KLHL32: variants seen among roughly 807,000 people sequenced by gnomAD.
KLHL32 encodes the protein kelch-like protein 32.
Under a neutral mutation model 64.8 loss-of-function variants are expected in KLHL32, and 35 were observed. That is an observed-to-expected ratio of 0.54 (90% CI 0.41 to 0.72). The LOEUF (loss-of-function observed/expected upper bound fraction) is 0.72, where lower values mean the gene tolerates loss of function less well. Ranked by LOEUF, KLHL32 falls within the 30% of genes least tolerant of loss-of-function variation. The pLI, the probability that KLHL32 is intolerant of heterozygous loss-of-function variation, is 0.00. For missense variants in KLHL32, 589 were observed against 768.5 expected (o/e 0.77, Z 2.76); for synonymous variants, 259 against 281.0 (o/e 0.92, Z 0.78).
intron 6 of KLHL32, among the ~76,000 whole-genome samples, chr6:97,109,785 G>T (rs1433745604): frequency 6.6e-6 from 1 of 152,176 alleles, no homozygotes; most frequent in Non-Finnish European, 1.5e-5. Flanking sequence ...TGTCTCTAGT[G>T]CTGTTTCCGG....
chr6:96,945,794 A>G (rs1055979181), intron 1 of KLHL32, among the ~76,000 whole-genome samples: 3 of 152,110 alleles, frequency 2.0e-5, no homozygotes, highest in African/African-American at 4.8e-5. Flanking sequence ...TGCTTTTGGC[A>G]TGAACCTGGG....
intron 3 of KLHL32, among the ~76,000 whole-genome samples, chr6:97,022,404 C>A (rs546974459): frequency 6.6e-6 from 1 of 150,476 alleles, no homozygotes; most frequent in South Asian, 2.1e-4. Context: ...CTCTGCAGGT[C>A]TTTGCTCAAA....
chr6:97,051,741 G>T (rs1480606972), intron 4 of KLHL32, among the ~76,000 whole-genome samples: 1 of 152,144 alleles, frequency 6.6e-6, no homozygotes, highest in Non-Finnish European at 1.5e-5. Context: ...TTAGTGGAGG[G>T]AAGTTAATCA....
chr6:97,085,234 C>G lies in KLHL32; in HGVS notation c.520C>G (p.Leu174Val). ...IDFLVKHLSELLKSRPEEVLT... is the reference protein window; with the variant it reads ...IDFLVKHLSEVLKSRPEEVLT... ...TTTCTTAGTGAAACATCTCTCTGAA[C>G]TCCTGAAGAGCCGCCCAGAAGAAGT... Residue 174 changes from leucine to valine, a missense_variant, in exon 6 of 11, where the codon CTC (leucine) becomes GTC (valine). Transcript: ENST00000369261. 6.2e-7 allele frequency: 1 copy of G among 1,614,042 alleles called. No individual in the cohort carries two copies. Among genetic ancestry groups the G allele is most frequent in the Non-Finnish European group, 8.5e-7 (1 of 1,180,024 alleles).
chr6:96,952,584 C>T (rs749322397), intron 1 of KLHL32, among the ~76,000 whole-genome samples: 7 of 152,138 alleles, frequency 4.6e-5, no homozygotes, highest in Non-Finnish European at 8.8e-5. Flanking sequence ...CTAAAACTGA[C>T]GCTTCCTTGT....
intron 4 of KLHL32, among the ~76,000 whole-genome samples, chr6:97,042,162 T>A (rs192885457): frequency 1.3e-5 from 2 of 152,334 alleles, no homozygotes; most frequent in East Asian, 3.9e-4. Context: ...ATAAATCAAT[T>A]CAAATACAGA....
intron 2 of KLHL32, among the ~76,000 whole-genome samples, chr6:96,968,862 T>C (rs935161977): frequency 1.3e-5 from 2 of 152,182 alleles, no homozygotes; most frequent in African/African-American, 4.8e-5. Context: ...TCACATCCCA[T>C]GTATTTCAAG....
chr6:97,132,536 C>T (rs1273059894), intron 9 of KLHL32, 117 bp from the exon 10 acceptor site: 1 of 702,238 alleles, frequency 1.4e-6, no homozygotes, highest in Non-Finnish European at 2.4e-6. Context: ...TGCAAAAATC[C>T]CATGGAGTAT....
At chr6:97,120,442 C>A (rs184864095) in intron 7 of KLHL32, among the ~76,000 whole-genome samples, 239 of 152,288 alleles carry the variant, frequency 1.6e-3, no homozygotes, top group Non-Finnish European at 1.4e-3. Context: ...TCAGAATCCA[C>A]ACTAACCTTG....
intron 1 of KLHL32, among the ~76,000 whole-genome samples, chr6:96,935,688 T>G (rs1446816520): frequency 6.6e-6 from 1 of 152,216 alleles, no homozygotes; most frequent in African/African-American, 2.4e-5. Context: ...TATTTCTAAC[T>G]TGTGTATTAA....
chr6:96,967,802 C>T (rs190641949), intron 2 of KLHL32, among the ~76,000 whole-genome samples: 95 of 152,202 alleles, frequency 6.2e-4, no homozygotes, highest in Middle Eastern at 3.4e-3. Flanking sequence ...ATAGATAGAG[C>T]AAGAAAATGC....
chr6:96,948,006 G>A (rs193032114), intron 1 of KLHL32, among the ~76,000 whole-genome samples: 305 of 152,232 alleles, frequency 2.0e-3, no homozygotes, highest in African/African-American at 6.7e-3. Flanking sequence ...CTAAATGTTT[G>A]GTTTGGCTAG....
the KLHL32 span, among the ~76,000 whole-genome samples, chr6:96,914,517 C>T: frequency 6.6e-6 from 1 of 152,100 alleles, no homozygotes; most frequent in Non-Finnish European, 1.5e-5. Context: ...TACCTCCCTG[C>T]ACTATCGCCC....
chr6:97,090,261 T>C (rs532884106), intron 6 of KLHL32, among the ~76,000 whole-genome samples: 4 of 152,336 alleles, frequency 2.6e-5, no homozygotes, highest in South Asian at 2.1e-4. Context: ...AAAATTGATA[T>C]AGAAAATGAG....
intron 3 of KLHL32, among the ~76,000 whole-genome samples, chr6:96,979,233 G>A (rs2128047235): frequency 6.6e-6 from 1 of 152,154 alleles, no homozygotes; most frequent in African/African-American, 2.4e-5. Context: ...TGTCCAGAAT[G>A]GTATTTCCTA....
chr6:97,092,864 TTGCTGAGTAGCTG>T (rs1275981484), intron 6 of KLHL32, among the ~76,000 whole-genome samples: 1 of 152,210 alleles, frequency 6.6e-6, no homozygotes, highest in Non-Finnish European at 1.5e-5. Flanking sequence ...GAGCTGTGCG[TTGCTGAGTAGCTG>T]TGAGGGGCAG....
At chr6:96,955,124 T>C (rs1773103994) in intron 1 of KLHL32, among the ~76,000 whole-genome samples, 1 of 152,180 alleles carries the variant, frequency 6.6e-6, no homozygotes, top group Non-Finnish European at 1.5e-5. Context: ...CCACTGTCAT[T>C]ACCCAATTAC....
chr6:97,106,153 T>G (rs1796379952), intron 6 of KLHL32, among the ~76,000 whole-genome samples: 1 of 152,118 alleles, frequency 6.6e-6, no homozygotes, highest in Non-Finnish European at 1.5e-5. Flanking sequence ...ACATGAACAA[T>G]AAAGGAATTA....
At chr6:97,049,581 C>T (rs557643336) in intron 4 of KLHL32, among the ~76,000 whole-genome samples, 18 of 48,446 alleles carry the variant, frequency 3.7e-4, no homozygotes, top group South Asian at 1.4e-3. Context: ...CCGTCGATAA[C>T]GGGGGGCGGG....
Sources: gnomAD v4.1 joint callset for allele counts (sites outside exome capture counted in the v4.1 genomes callset) on GRCh38, gnomAD v4.1.1 for gene constraint, MANE v1.5 for transcripts, NCBI Gene and HGNC (gene_info 2026-07-23, HGNC 2026-07-21) for gene names.